DMD: variants seen among roughly 807,000 people sequenced by gnomAD.
DMD encodes mutant dystrophin.
A neutral mutation model predicts 330.1 loss-of-function variants in DMD; 63 were observed. That is an observed-to-expected ratio of 0.19 (90% confidence interval 0.16 to 0.24). The LOEUF (loss-of-function observed/expected upper bound fraction) is 0.24, where lower values mean the gene tolerates loss of function less well. Ranked by LOEUF, DMD falls within the 10% of genes least tolerant of loss-of-function variation. The pLI is 1.00. For missense variants in DMD, 3,344 were observed against 2,684.1 expected (o/e 1.25, Z -5.43); for synonymous variants, 1,223 against 959.8 (o/e 1.27, Z -5.07).
At position 32,823,319 on chromosome X, in the gene DMD, A is replaced by T. The variant is rs138909301; in HGVS notation, c.333T>A (p.Ile111=). Reference sequence around the variant, plus strand: ...CCTGCCAGTGGAGGATTATATTCCAAATCAAACCAAGAGTCAGTTTATGAT... The same window carrying T: ...CCTGCCAGTGGAGGATTATATTCCATATCAAACCAAGAGTCAGTTTATGAT... ...DGNHKLTLGL[I]WNIILHWQVK... Residue 111 remains isoleucine (I), a synonymous_variant, in exon 5 of 79, where the codon ATT becomes ATA. Coordinates refer to ENST00000357033, the MANE Select transcript of DMD (RefSeq NM_004006.3). The T allele has an allele frequency of 3.3e-6, 4 of 1,207,019 alleles. No individual in the cohort carries two copies. In the African/African-American group the frequency reaches 7.0e-5, roughly 21 times the overall value.
chrX:32,472,237 T>C lies in DMD; in HGVS notation c.2876A>G (p.Glu959Gly). The C allele has an allele frequency of 7.4e-6, 9 of 1,211,229 alleles. No individual in the cohort carries two copies. The highest frequency in any genetic ancestry group is 1.0e-5 in the Non-Finnish European group (9 of 895,022). Residue 959 changes from glutamate (E) to glycine (G), a missense_variant, in exon 22 of 79, where the codon GAA becomes GGA. Transcript: ENST00000357033. ...SAIRTWVQQS[E>G]TKLSIPQLSV... is the part of the protein sequence containing the mutation. The stretch of plus-strand genomic sequence containing the variant: ...AAGTTGAGGTATGGAGAGTTTGGTT[T>C]CTGACTGCTGGACCCATGTCCTGAT...
chrX:32,964,543 AC>A (rs1428994495), intron 2 of DMD, among the ~76,000 whole-genome samples: 3 of 109,335 alleles, frequency 2.7e-5, no homozygotes, highest in Non-Finnish European at 3.8e-5. Context: ...TCCCATCTCT[AC>A]TAAAAATACA....
chrX:33,004,991 ATTTG>A (rs753940590), intron 2 of DMD, among the ~76,000 whole-genome samples: 195 of 111,082 alleles, frequency 1.8e-3, no homozygotes, highest in African/African-American at 5.9e-3. Context: ...TTTTATTGGT[ATTTG>A]TTTGTGTTCA....
At chrX:31,265,226 A>T (rs889241886) in intron 62 of DMD, among the ~76,000 whole-genome samples, 2 of 112,589 alleles carry the variant, frequency 1.8e-5, no homozygotes, top group African/African-American at 6.5e-5. Context: ...ATTTCCCTTT[A>T]ATCTGAGGAT....
intron 59 of DMD, among the ~76,000 whole-genome samples, chrX:31,463,880 C>G (rs893946885): frequency 6.3e-5 from 7 of 111,503 alleles, no homozygotes; most frequent in African/African-American, 2.3e-4. Flanking sequence ...TGTTCACACT[C>G]TATAATGAGA....
chrX:32,120,779 C>T (rs2096631557), intron 44 of DMD, among the ~76,000 whole-genome samples: 1 of 111,875 alleles, frequency 8.9e-6, no homozygotes, highest in African/African-American at 3.3e-5. Context: ...CAATTGTATA[C>T]TGAGTCTCCA....
chrX:32,425,385 C>A (rs1195782685), intron 29 of DMD, among the ~76,000 whole-genome samples: 1 of 111,230 alleles, frequency 9.0e-6, no homozygotes, highest in Non-Finnish European at 1.9e-5. Context: ...CAAAGTCAAT[C>A]CTTCCATTTT....
intron 17 of DMD, among the ~76,000 whole-genome samples, chrX:32,523,252 C>A (rs1472235093): frequency 1.8e-5 from 2 of 111,356 alleles, no homozygotes; most frequent in African/African-American, 6.5e-5. Flanking sequence ...AAACCAAGGT[C>A]CCTCTGACCT....
intron 74 of DMD, among the ~76,000 whole-genome samples, chrX:31,149,281 C>G (rs745518930): frequency 8.9e-6 from 1 of 112,189 alleles, no homozygotes; most frequent in African/African-American, 3.2e-5. Context: ...CATAAATATA[C>G]AGGTGTGCTT....
chrX:31,121,133 C>CTATT lies in DMD; in HGVS notation c.*782_*785dup, dbSNP rs2032407140. 1 of 111,513 alleles carries CTATT rather than the reference C, an allele frequency of 9.0e-6. No homozygotes were observed. The highest frequency in any genetic ancestry group is 3.8e-4 in the South Asian group (1 of 2,654). The allele number at this position is 111,513 out of a possible 1,213,427, so 9.2% of individuals were successfully genotyped here. On this transcript the variant is annotated 3_prime_UTR_variant, in exon 79 of 79. Transcript: ENST00000357033. Reference sequence around the variant, plus strand: ...ATGACTGACTAGAAGTAATTTCTTTCTATTAGGATGTGACATGAACATTTA... The same window carrying CTATT: ...ATGACTGACTAGAAGTAATTTCTTTCTATTTATTAGGATGTGACATGAACATTTA...
chrX:32,608,774 G>A (rs2056936683), intron 12 of DMD, among the ~76,000 whole-genome samples: 1 of 110,276 alleles, frequency 9.1e-6, no homozygotes, highest in Admixed American at 9.7e-5. Context: ...CTGGCTCTCT[G>A]GTTATAATAC....
chrX:32,210,597 C>A (rs2097089955), intron 44 of DMD, among the ~76,000 whole-genome samples: 1 of 111,768 alleles, frequency 8.9e-6, no homozygotes, highest in African/African-American at 3.2e-5. Flanking sequence ...TCTAGATTAT[C>A]CTTTAATTCA....
At chrX:32,036,130 T>C (rs2095943902) in intron 44 of DMD, among the ~76,000 whole-genome samples, 1 of 111,833 alleles carries the variant, frequency 8.9e-6, no homozygotes, top group African/African-American at 3.2e-5. Flanking sequence ...ACTCTATCCC[T>C]GGAAGAACAA....
chrX:32,865,772 G>A (rs1277104733), intron 2 of DMD, among the ~76,000 whole-genome samples: 2 of 112,489 alleles, frequency 1.8e-5, no homozygotes, highest in Non-Finnish European at 3.7e-5. Flanking sequence ...TATTGGCACT[G>A]TTTACCAATT....
At chrX:33,272,287 A>G (rs893663589) in intron 1 of DMD, among the ~76,000 whole-genome samples, 2 of 112,171 alleles carry the variant, frequency 1.8e-5, no homozygotes, top group Non-Finnish European at 3.8e-5. Context: ...GGAAGAGTTC[A>G]TTGGATTTGG....
chrX:31,668,390 T>C (rs1230385076), intron 53 of DMD, among the ~76,000 whole-genome samples: 1 of 111,095 alleles, frequency 9.0e-6, no homozygotes, highest in Non-Finnish European at 1.9e-5. Context: ...TTAGTTCTTA[T>C]TAATATATTT....
In DMD at chrX:32,499,175, A is replaced by C. The variant is rs143107781; in HGVS notation, c.2380+2580T>G. 4.1e-3 allele frequency among the ~76,000 whole-genome samples: 454 copies of C among 111,959 alleles called. 1 individual carries two copies. The highest frequency in any genetic ancestry group is 0.014 in the African/African-American group (421 of 30,954). On this transcript the variant is annotated intron_variant, in intron 19 of 78. Transcript: ENST00000357033. ...ACTGATGAATTACAAAATTATTCTA[A>C]ATTTTTAAAAAGTAGTTTAATCTTA...
intron 9 of DMD, among the ~76,000 whole-genome samples, chrX:32,663,646 T>C (rs1422565073): frequency 3.6e-5 from 4 of 111,811 alleles, no homozygotes; most frequent in Admixed American, 1.9e-4. Context: ...AATGATGATA[T>C]AGCCATATAC....
chrX:32,978,619 G>A (rs988050686), intron 2 of DMD, among the ~76,000 whole-genome samples: 12 of 111,498 alleles, frequency 1.1e-4, no homozygotes, highest in Admixed American at 8.6e-4. Context: ...ACAGGCGTGC[G>A]CCATTACACT....
Sources: gnomAD v4.1 joint callset for allele counts (sites outside exome capture counted in the v4.1 genomes callset) on GRCh38, gnomAD v4.1.1 for gene constraint, MANE v1.5 for transcripts, NCBI Gene and HGNC (gene_info 2026-07-23, HGNC 2026-07-21) for gene names.